Variants in ST7 observed in about 807,000 individuals in gnomAD.
ST7 encodes suppressor of tumorigenicity 7 protein.
A neutral mutation model predicts 78.7 loss-of-function variants in ST7; 28 were observed. The observed-to-expected ratio is 0.36, with a 90% CI of 0.26 to 0.49. The LOEUF (loss-of-function observed/expected upper bound fraction) is 0.49. Ranked by LOEUF, ST7 falls within the 20% of genes least tolerant of loss-of-function variation. ST7 has a pLI of 0.99. For synonymous variants in ST7, 247 were observed against 249.6 expected (o/e 0.99, Z 0.10); for missense variants, 418 against 696.0 (o/e 0.60, Z 4.49).
Position 117,208,569 on chromosome 7 carries a change from C to T in ST7, c.1255-1218C>T, listed in dbSNP as rs572263541. 2.6e-5 allele frequency among the ~76,000 whole-genome samples: 4 copies of T among 152,204 alleles called. No individual in the cohort carries two copies. In the South Asian group the frequency reaches 6.2e-4, roughly 24 times the overall value. ...CTGGGCCATACACCTCGACACCAAC[C>T]GTGCCAATGGGAGAGGAAGCTTAAG... On this transcript the variant is annotated intron_variant, in intron 12 of 15. Transcript: ENST00000323984.
At chr7:117,175,933 CG>C (rs1808312601) in intron 10 of ST7, among the ~76,000 whole-genome samples, 1 of 150,800 alleles carries the variant, frequency 6.6e-6, no homozygotes, top group African/African-American at 2.5e-5. Context: ...GACAATGTTA[CG>C]ACTTGTTATT....
intron 13 of ST7, among the ~76,000 whole-genome samples, chr7:117,217,631 C>T (rs556834933): frequency 2.0e-5 from 3 of 152,278 alleles, no homozygotes; most frequent in African/African-American, 7.2e-5. Flanking sequence ...TCTTTGTTTG[C>T]GTGCAAGAAA....
intron 1 of ST7, among the ~76,000 whole-genome samples, chr7:117,062,771 T>G (rs867236904): frequency 6.6e-6 from 1 of 152,244 alleles, no homozygotes; most frequent in Non-Finnish European, 1.5e-5. Context: ...ACTCTGTATG[T>G]CAAACATTGG....
At chr7:116,996,864 T>A (rs1340341320) in intron 1 of ST7, among the ~76,000 whole-genome samples, 1 of 152,224 alleles carries the variant, frequency 6.6e-6, no homozygotes, top group African/African-American at 2.4e-5. Flanking sequence ...TCTGGAGACA[T>A]GAATGTCTTC....
intron 13 of ST7, among the ~76,000 whole-genome samples, chr7:117,211,891 G>A (rs78603746): frequency 1.6e-3 from 246 of 152,218 alleles, no homozygotes; most frequent in Non-Finnish European, 3.0e-3. Context: ...AAATTAAATT[G>A]GCAGAATGCT....
intron 2 of ST7, among the ~76,000 whole-genome samples, chr7:117,108,061 T>C (rs1323496569): frequency 6.6e-6 from 1 of 152,218 alleles, no homozygotes; most frequent in African/African-American, 2.4e-5. Context: ...CTGCTGATTA[T>C]TTCTTTTGCT....
At chr7:117,064,878 A>G (rs1477674867) in intron 1 of ST7, among the ~76,000 whole-genome samples, 1 of 152,184 alleles carries the variant, frequency 6.6e-6, no homozygotes, top group African/African-American at 2.4e-5. Context: ...TCTACAGGCC[A>G]TCGTATATTG....
At chr7:116,995,635 C>T (rs1039698102) in intron 1 of ST7, among the ~76,000 whole-genome samples, 3 of 152,126 alleles carry the variant, frequency 2.0e-5, no homozygotes, top group African/African-American at 7.2e-5. Context: ...CTGTGCTTGC[C>T]CCTTCCTCAT....
At chr7:116,972,975 C>T (rs1793510196) in intron 1 of ST7, 1 of 815,134 alleles carries the variant, frequency 1.2e-6, no homozygotes, top group African/African-American at 1.7e-5. Context: ...TTGCAGCCTC[C>T]TCTCCCTCAC....
intron 1 of ST7, among the ~76,000 whole-genome samples, chr7:117,057,760 T>C (rs1185351709): frequency 6.6e-6 from 1 of 152,166 alleles, no homozygotes; most frequent in Non-Finnish European, 1.5e-5. Context: ...TATAGTAGAG[T>C]GAGGGAACCT....
At chr7:117,086,962 GT>G (rs1428161770) in intron 1 of ST7, among the ~76,000 whole-genome samples, 1 of 152,218 alleles carries the variant, frequency 6.6e-6, no homozygotes, top group South Asian at 2.1e-4. Context: ...CTGTGTGGTG[GT>G]TTCCCCTGTG....
chr7:117,052,086 G>A (rs1351253548), intron 1 of ST7, among the ~76,000 whole-genome samples: 2 of 152,114 alleles, frequency 1.3e-5, no homozygotes, highest in African/African-American at 2.4e-5. Context: ...AAAAGCGTTA[G>A]TGTCCAAGGC....
At chr7:116,987,754 C>T (rs1465834709) in intron 1 of ST7, among the ~76,000 whole-genome samples, 2 of 152,212 alleles carry the variant, frequency 1.3e-5, no homozygotes, top group East Asian at 3.8e-4. Flanking sequence ...CACGGAGTCT[C>T]ACTCTGTTCC....
At position 117,194,031 on chromosome 7, in the gene ST7, A is replaced by G. The variant is rs3808202; in HGVS notation, c.1254+3095A>G. Among the ~76,000 whole-genome samples, 20 of 152,308 alleles carry G rather than the reference A, an allele frequency of 1.3e-4. No homozygotes were observed. The East Asian group carries it at 2.9e-3, about 22-fold the overall frequency. ...TAGGGAGGAAGTGTTGCTCCTTACT[A>G]CATCACAGGACTGGGAAATAAATAA... On this transcript the variant is annotated intron_variant, in intron 12 of 15. Coordinates refer to ENST00000323984, the MANE Select transcript of ST7 (RefSeq NM_001369598.1).
intron 1 of ST7, among the ~76,000 whole-genome samples, chr7:117,055,906 G>C (rs764094907): frequency 2.6e-5 from 4 of 152,144 alleles, no homozygotes; most frequent in Non-Finnish European, 4.4e-5. Flanking sequence ...CCCACAGTAG[G>C]CTGTCTGCAA....
intron 1 of ST7, among the ~76,000 whole-genome samples, chr7:117,002,491 ATAT>A (rs1794975981): frequency 6.6e-6 from 1 of 152,098 alleles, no homozygotes; most frequent in African/African-American, 2.4e-5. Context: ...TTCTAATACA[ATAT>A]TATTATTTTT....
intron 12 of ST7, 142 bp from the exon 13 acceptor site, chr7:117,209,645 C>A (rs751835923): frequency 1.1e-6 from 1 of 918,256 alleles, no homozygotes; most frequent in Non-Finnish European, 1.6e-6. Context: ...TTAGTAATTG[C>A]CTTCAAATGT....
intron 1 of ST7, among the ~76,000 whole-genome samples, chr7:117,018,231 G>GAA (rs1795710948): frequency 6.6e-6 from 1 of 152,004 alleles, no homozygotes; most frequent in Non-Finnish European, 1.5e-5. Context: ...TCCACTATTT[G>GAA]AGTGACTATT....
intron 10 of ST7, among the ~76,000 whole-genome samples, chr7:117,176,915 A>C (rs937889348): frequency 6.6e-6 from 1 of 152,228 alleles, no homozygotes; most frequent in African/African-American, 2.4e-5. Context: ...GTGACAGACT[A>C]TAAACCTAGT....
Sources: gnomAD v4.1 joint callset for allele counts (sites outside exome capture counted in the v4.1 genomes callset) on GRCh38, gnomAD v4.1.1 for gene constraint, MANE v1.5 for transcripts, NCBI Gene and HGNC (gene_info 2026-07-23, HGNC 2026-07-21) for gene names.